The following SPINDOC variants were observed in gnomAD, a reference collection of about 807,000 sequenced individuals.
The protein encoded by SPINDOC is spindlin interactor and repressor of chromatin binding, also known as spindlin interactor and repressor of chromatin-binding protein.
Under a neutral mutation model 30.7 loss-of-function variants are expected in SPINDOC, and 13 were observed. The observed-to-expected ratio is 0.42, with a 90% confidence interval of 0.28 to 0.67. SPINDOC has a LOEUF of 0.67. Among genes scored for constraint, SPINDOC ranks in the 30% least tolerant of loss-of-function variants. SPINDOC has a pLI of 0.22. For missense variants in SPINDOC, 438 were observed against 518.0 expected, an observed-to-expected ratio of 0.85 and a Z score of 1.50; for synonymous variants, 228 against 211.4, an observed-to-expected ratio of 1.08 and a Z score of -0.68.
chr11:63,820,188 G>A (rs370268567), intron 5 of SPINDOC, among the ~76,000 whole-genome samples: 38 of 151,772 alleles, frequency 2.5e-4, no homozygotes, highest in African/African-American at 7.7e-4. Flanking sequence ...ACCTGAGGTC[G>A]GGAGTTTGAG....
In SPINDOC at chr11:63,818,192, T is replaced by C; in HGVS notation, c.458-24T>C. The C allele has an allele frequency of 1.2e-6, 2 of 1,613,544 alleles. No individual in the cohort carries two copies. Among genetic ancestry groups the C allele is most frequent in the Non-Finnish European group, 1.7e-6 (2 of 1,179,652 alleles). On this transcript the variant is annotated intron_variant, in intron 2 of 5. Transcript: ENST00000294244. This position sits in a 1 kb window ranked among gnomAD's most constrained non-coding sequence, Gnocchi z 5.3. ...TCGGACTTGTTGGGGCACTAGAAGC[T>C]CATTGTGCTCTTGCTCCCTGCAGAC...
intron 1 of SPINDOC, among the ~76,000 whole-genome samples, chr11:63,815,795 T>G (rs2015324306): frequency 1.3e-5 from 2 of 151,634 alleles, no homozygotes; most frequent in African/African-American, 4.9e-5. Context: ...GAGACGGAGT[T>G]TTGCTCTTTT....
chr11:63,822,326 C>T (rs1317708113), intron 5 of SPINDOC, among the ~76,000 whole-genome samples: 1 of 140,562 alleles, frequency 7.1e-6, no homozygotes, highest in Non-Finnish European at 1.5e-5. Context: ...TACTACTGTA[C>T]TCCAGCCTGG....
Position 63,818,714 on chromosome 11 carries a change from C to G in SPINDOC, c.733+62C>G. 1.2e-6 allele frequency: 2 copies of G among 1,611,612 alleles called. No individual in the cohort carries two copies. On this transcript the variant is annotated intron_variant, in intron 4 of 5. Transcript: ENST00000294244. This position sits in a 1 kb window ranked among gnomAD's most constrained non-coding sequence, Gnocchi z 5.3. The stretch of plus-strand genomic sequence containing the variant: ...CGCAGTGCTCTGAGGAAATCCGCAT[C>G]AGTGAGGATGGAGCAGGGCCTGGGC...
At chr11:63,823,735 A>G (rs1440059377) in intron 5 of SPINDOC, among the ~76,000 whole-genome samples, 1 of 151,486 alleles carries the variant, frequency 6.6e-6, no homozygotes, top group African/African-American at 2.4e-5. Context: ...AGGAGCTGGG[A>G]CTACAGGCGC....
In SPINDOC at chr11:63,813,500, G is replaced by C. The variant is rs1262140501; in HGVS notation, c.-187G>C. The C allele has an allele frequency of 7.4e-6, 2 of 268,500 alleles. No homozygotes were observed. Among genetic ancestry groups the C allele is most frequent in the African/African-American group, 2.3e-5 (1 of 43,220 alleles). 16.6% of individuals were successfully genotyped at this position (268,500 alleles called of 1,614,324 possible). On this transcript the variant is annotated 5_prime_UTR_variant, in exon 1 of 6. Transcript: ENST00000294244. ...CGGGCTCCCGACGCGCCGAGGTCTCGGGGAGGCCCGGACGCGCCGGTCGCA... is the reference window on the plus strand; with the variant it reads ...CGGGCTCCCGACGCGCCGAGGTCTCCGGGAGGCCCGGACGCGCCGGTCGCA...
In SPINDOC at chr11:63,818,687, GC is replaced by G. The variant is rs1565076234; in HGVS notation, c.733+37del. On this transcript the variant is annotated intron_variant, in intron 4 of 5. Transcript: ENST00000294244. This position sits in a 1 kb window ranked among gnomAD's most constrained non-coding sequence, Gnocchi z 5.3. ...AGGCCCGGGGGAGGCGTGGGCTCTG[GC>G]CGCAGTGCTCTGAGGAAATCCGCAT... 1 of 1,612,522 alleles carries G rather than the reference GC, an allele frequency of 6.2e-7. No individual in the cohort carries two copies. The highest frequency in any genetic ancestry group is 8.5e-7 in the Non-Finnish European group (1 of 1,179,726).
rs781191347 is a variant in SPINDOC at position 63,827,056 on chromosome 11, G to A, written c.1063G>A (p.Gly355Ser). 3 of 1,614,226 alleles carry A rather than the reference G, an allele frequency of 1.9e-6. No individual in the cohort carries two copies. Among genetic ancestry groups the A allele is most frequent in the Non-Finnish European group, 2.5e-6 (3 of 1,180,034 alleles). ...CCAGGGCACCAAGCGTGTGGGAGCA[G>A]GTGACACCTCAGACTGGCCCACAGT... ...HPQGTKRVGAGDTSDWPTVLS... is the reference protein window; with the variant it reads ...HPQGTKRVGASDTSDWPTVLS... The change falls in exon 6 of 6, where the codon GGT becomes AGT. Residue 355 changes from glycine to serine, a missense_variant. Physicochemically the swap from Gly to Ser is moderately conservative, Grantham distance 56. Transcript: ENST00000294244.
At chr11:63,819,273 C>T (rs957703848) in intron 5 of SPINDOC, among the ~76,000 whole-genome samples, 17 of 152,332 alleles carry the variant, frequency 1.1e-4, no homozygotes, top group African/African-American at 4.1e-4. Flanking sequence ...TGTAGTAGCA[C>T]AAGCCCGGCT....
chr11:63,820,920 C>T (rs922512386), intron 5 of SPINDOC, among the ~76,000 whole-genome samples: 2 of 140,520 alleles, frequency 1.4e-5, no homozygotes, highest in South Asian at 2.2e-4. Context: ...ACACACATCG[C>T]TTGTGCCTGT....
intron 5 of SPINDOC, 133 bp from the exon 6 acceptor site, chr11:63,826,795 A>C (rs938979997): frequency 1.6e-6 from 1 of 623,972 alleles, no homozygotes; most frequent in African/African-American, 1.8e-5. Context: ...GCTTCCCCTC[A>C]TGCCAGGCAC....
At position 63,818,789 on chromosome 11, in the gene SPINDOC, T is replaced by C. The variant is rs750874077; in HGVS notation, c.734-13T>C. On this transcript the variant is annotated splice_polypyrimidine_tract_variant and intron_variant, in intron 4 of 5. Coordinates refer to ENST00000294244, the MANE Select transcript of SPINDOC (RefSeq NM_138471.3). The surrounding 1 kb of genome is among the most constrained non-coding windows in gnomAD (Gnocchi z 5.3). ...CTTTTTCACTCACAGTTCCATCCCG[T>C]CCTCCCTTCCAGAGCCCCCATCGCC... 85 of 1,613,280 alleles carry C rather than the reference T, an allele frequency of 5.3e-5. No individual in the cohort carries two copies. The highest frequency in any genetic ancestry group is 1.6e-4 in the Middle Eastern group (1 of 6,084).
In SPINDOC at chr11:63,818,450, G is replaced by T; in HGVS notation, c.608-77G>T. Reference sequence around the variant, plus strand: ...AATACAGGCCCTGTGTTCTGGGCAGGTATCTTCAGGAGCCCTGGGGTGGCA... The same window carrying T: ...AATACAGGCCCTGTGTTCTGGGCAGTTATCTTCAGGAGCCCTGGGGTGGCA... On this transcript the variant is annotated intron_variant, in intron 3 of 5. Transcript: ENST00000294244. The surrounding 1 kb of genome is among the most constrained non-coding windows in gnomAD (Gnocchi z 5.3). 3.1e-6 allele frequency: 5 copies of T among 1,604,038 alleles called. No individual in the cohort carries two copies. Among genetic ancestry groups the T allele is most frequent in the Non-Finnish European group, 4.2e-6 (5 of 1,176,822 alleles).
Position 63,813,797 on chromosome 11 carries a change from C to A in SPINDOC, c.111C>A (p.Pro37=). 1 of 1,565,830 alleles carries A rather than the reference C, an allele frequency of 6.4e-7. No homozygotes were observed. Among genetic ancestry groups the A allele is most frequent in the Non-Finnish European group, 8.6e-7 (1 of 1,158,790 alleles). Residue 37 remains proline (P), a synonymous_variant, in exon 1 of 6, where the codon CCC becomes CCA. Coordinates refer to ENST00000294244, the MANE Select transcript of SPINDOC (RefSeq NM_138471.3). ...EAMVVAVIPR[P]EPMLRVTQQE... ...TGGTGGTGGCCGTAATTCCGCGGCC[C>A]GAGCCGATGCTCAGAGGTGAGGATG...
chr11:63,820,801 A>G (rs2015494887), intron 5 of SPINDOC, among the ~76,000 whole-genome samples: 1 of 148,094 alleles, frequency 6.8e-6, no homozygotes, highest in Non-Finnish European at 1.5e-5. Flanking sequence ...GAGGCAGGAG[A>G]ATGGCGTGAA....
chr11:63,813,640 G>A lies in SPINDOC; in HGVS notation c.-47G>A. 3.4e-6 allele frequency: 5 copies of A among 1,469,592 alleles called. No individual in the cohort carries two copies. The highest frequency in any genetic ancestry group is 4.5e-6 in the Non-Finnish European group (5 of 1,108,736). 91.0% of individuals were successfully genotyped at this position (1,469,592 alleles called of 1,614,324 possible). ...AGGCGGTTGCCGGCTGCGCGCCGAA[G>A]CCTGCGCGCCAGTCCTCCGGCCACT... On this transcript the variant is annotated 5_prime_UTR_variant, in exon 1 of 6. Transcript: ENST00000294244.
chr11:63,827,169 G>A lies in SPINDOC; in HGVS notation c.*30G>A. ...TTGCTTTCCTGGGGAGGGAGGGAGG[G>A]ATGAGGCAGCGTCCCCCAGTGGCTT... On this transcript the variant is annotated 3_prime_UTR_variant, in exon 6 of 6. Transcript: ENST00000294244. The A allele has an allele frequency of 3.1e-6, 2 of 655,304 alleles. No homozygotes were observed. Among genetic ancestry groups the A allele is most frequent in the Non-Finnish European group, 5.4e-6 (2 of 369,790 alleles). 40.6% of individuals were successfully genotyped at this position (655,304 alleles called of 1,614,324 possible). A position where few individuals can be genotyped will look rare whatever the true frequency, so the allele number is the denominator to read the frequency against.
chr11:63,826,841 G>C, intron 5 of SPINDOC, 87 bp from the exon 6 acceptor site: 1 of 705,658 alleles, frequency 1.4e-6, no homozygotes, highest in Non-Finnish European at 2.6e-6. Context: ...TGGAAATGTG[G>C]GTACAGTTTG....
intron 5 of SPINDOC, among the ~76,000 whole-genome samples, chr11:63,825,203 AGC>A (rs993929875): frequency 5.3e-5 from 8 of 152,148 alleles, no homozygotes; most frequent in Non-Finnish European, 1.0e-4. Flanking sequence ...TAAAAGCCAG[AGC>A]CTTCATGGTG....
Sources: gnomAD v4.1 joint callset for allele counts (sites outside exome capture counted in the v4.1 genomes callset) on GRCh38, gnomAD v4.1.1 for gene constraint, Gnocchi (gnomAD v3.1) non-coding constraint, MANE v1.5 for transcripts, NCBI Gene and HGNC (gene_info 2026-07-23, HGNC 2026-07-21) for gene names.